The following CCDC7 variants were observed in gnomAD, a reference collection of about 807,000 sequenced individuals.
CCDC7 encodes the protein coiled-coil domain-containing protein 7.
CCDC7 carries 183 observed loss-of-function variants against 196.9 expected under a neutral mutation model. The observed-to-expected ratio is 0.93, with a 90% CI of 0.82 to 1.05. The LOEUF is 1.05. CCDC7 is among the 50% of genes least tolerant of loss of function. CCDC7 has a pLI of 0.00. For missense variants in CCDC7, 1,540 were observed against 1,482.2 expected (o/e 1.04, Z -0.64); for synonymous variants, 525 against 484.6 (o/e 1.08, Z -1.10).
chr10:32,547,339 T>C (rs2052643314), intron 13 of CCDC7, among the ~76,000 whole-genome samples: 1 of 151,840 alleles, frequency 6.6e-6, no homozygotes, highest in Non-Finnish European at 1.5e-5. Context: ...CTCACAAGAG[T>C]CTCTCTTGTC....
chr10:32,514,889 A>G (rs560266179), intron 9 of CCDC7, among the ~76,000 whole-genome samples: 1 of 152,164 alleles, frequency 6.6e-6, no homozygotes, highest in Non-Finnish European at 1.5e-5. Context: ...CAGTGATGTA[A>G]TCATAGCTCA....
chr10:32,742,483 C>T (rs917498829), intron 28 of CCDC7, among the ~76,000 whole-genome samples: 3 of 152,150 alleles, frequency 2.0e-5, no homozygotes, highest in African/African-American at 7.2e-5. Context: ...ATCTTTTGTG[C>T]TCTCCCTATT....
At chr10:32,855,248 C>G (rs1593483008) in intron 41 of CCDC7, among the ~76,000 whole-genome samples, 1 of 150,788 alleles carries the variant, frequency 6.6e-6, no homozygotes, top group African/African-American at 2.4e-5. Flanking sequence ...GGCAGCAGTC[C>G]TCAACCTTTT....
At chr10:32,758,041 C>T (rs572332024) in intron 28 of CCDC7, among the ~76,000 whole-genome samples, 15 of 152,112 alleles carry the variant, frequency 9.9e-5, no homozygotes, top group Admixed American at 9.8e-4. Context: ...CCGCCCAAGA[C>T]TAAACCAGGA....
intron 29 of CCDC7, among the ~76,000 whole-genome samples, chr10:32,785,120 AG>A (rs2081639768): frequency 6.6e-6 from 1 of 152,278 alleles, no homozygotes; most frequent in African/African-American, 2.4e-5. Context: ...CAAATATTGC[AG>A]AAAAAAACTA....
intron 29 of CCDC7, among the ~76,000 whole-genome samples, chr10:32,782,959 T>A (rs1303023636): frequency 6.6e-6 from 1 of 152,196 alleles, no homozygotes; most frequent in African/African-American, 2.4e-5. Context: ...ACAAACCAGA[T>A]AGTCACGTCA....
At chr10:32,448,544 G>A (rs2032071104), upstream of CCDC7, among the ~76,000 whole-genome samples, 4 of 151,786 alleles carry the variant, frequency 2.6e-5, no homozygotes, top group South Asian at 8.3e-4. Flanking sequence ...ACATCTGTAA[G>A]TTTTATTATT....
chr10:32,756,181 C>T (rs1428268531), intron 28 of CCDC7, among the ~76,000 whole-genome samples: 1 of 152,210 alleles, frequency 6.6e-6, no homozygotes, highest in South Asian at 2.1e-4. Context: ...GGAAAACACT[C>T]TTCTGGATAT....
intron 9 of CCDC7, among the ~76,000 whole-genome samples, chr10:32,506,354 G>A (rs544384980): frequency 4.0e-4 from 58 of 143,446 alleles, no homozygotes; most frequent in African/African-American, 1.5e-3. Context: ...GGGCAGAGGC[G>A]CTCTTCACTT....
intron 13 of CCDC7, among the ~76,000 whole-genome samples, chr10:32,550,550 G>A (rs1228390054): frequency 6.6e-6 from 1 of 152,092 alleles, no homozygotes; most frequent in Non-Finnish European, 1.5e-5. Flanking sequence ...GGTTGTCATA[G>A]ATGGCTTTTA....
At chr10:32,612,492 G>C (rs192405136) in intron 18 of CCDC7, among the ~76,000 whole-genome samples, 1 of 152,086 alleles carries the variant, frequency 6.6e-6, no homozygotes, top group Non-Finnish European at 1.5e-5. Context: ...TCCTTGTCTC[G>C]TGCTGGTTTT....
At chr10:32,564,928 G>T (rs1273624082) in intron 13 of CCDC7, among the ~76,000 whole-genome samples, 1 of 148,212 alleles carries the variant, frequency 6.7e-6, no homozygotes, top group Non-Finnish European at 1.5e-5. Flanking sequence ...AGTGAGCTAG[G>T]AACCCACTGC....
intron 32 of CCDC7, among the ~76,000 whole-genome samples, chr10:32,832,561 CA>C (rs1228475635): frequency 1.3e-5 from 2 of 151,770 alleles, no homozygotes; most frequent in Non-Finnish European, 2.9e-5. Flanking sequence ...AAATATCAAC[CA>C]ATAATTTTAT....
chr10:32,538,576 A>G (rs558739828), intron 11 of CCDC7, among the ~76,000 whole-genome samples: 2 of 152,302 alleles, frequency 1.3e-5, no homozygotes, highest in East Asian at 3.9e-4. Flanking sequence ...TTCAAGGGAA[A>G]TGCTTTCAGC....
intron 20 of CCDC7, among the ~76,000 whole-genome samples, chr10:32,639,948 GCTTTA>G (rs2066418181): frequency 6.6e-6 from 1 of 152,162 alleles, no homozygotes; most frequent in South Asian, 2.1e-4. Flanking sequence ...GCTAAGGAGT[GCTTTA>G]CTTGCAACTG....
chr10:32,462,054 G>A (rs974757877), intron 3 of CCDC7, among the ~76,000 whole-genome samples: 3 of 151,926 alleles, frequency 2.0e-5, no homozygotes, highest in African/African-American at 7.3e-5. Context: ...TTACAGGCAT[G>A]AGCCACCCCA....
At chr10:32,718,048 C>T (rs2081887896) in intron 25 of CCDC7, among the ~76,000 whole-genome samples, 1 of 152,152 alleles carries the variant, frequency 6.6e-6, no homozygotes, top group Admixed American at 6.5e-5. Context: ...CAGCAGCATC[C>T]TGATACCAAA....
At chr10:32,848,238 A>G (rs2136218229) in intron 38 of CCDC7, among the ~76,000 whole-genome samples, 1 of 152,248 alleles carries the variant, frequency 6.6e-6, no homozygotes, top group South Asian at 2.1e-4. Flanking sequence ...CAATTGGGGC[A>G]GGGGGGATCC....
chr10:32,487,862 G>A (rs537433003), intron 8 of CCDC7, among the ~76,000 whole-genome samples: 2 of 152,302 alleles, frequency 1.3e-5, no homozygotes, highest in South Asian at 4.1e-4. Context: ...TCTCAGAGGA[G>A]TACCTGGCCA....
Sources: gnomAD v4.1 joint callset for allele counts (sites outside exome capture counted in the v4.1 genomes callset) on GRCh38, gnomAD v4.1.1 for gene constraint, MANE v1.5 for transcripts, NCBI Gene and HGNC (gene_info 2026-07-23, HGNC 2026-07-21) for gene names.